Variants in L2HGDH observed in about 807,000 individuals in gnomAD.
The protein encoded by L2HGDH is L-2-hydroxyglutarate dehydrogenase.
L2HGDH carries 34 observed loss-of-function variants against 51.5 expected under a neutral mutation model. The ratio of observed to expected loss-of-function variants is 0.66; its 90% CI spans 0.50 to 0.88. L2HGDH has a LOEUF of 0.88. L2HGDH is among the 40% of genes least tolerant of loss of function. The pLI is 0.00. For missense variants in L2HGDH, 558 were observed against 571.9 expected (o/e 0.98, Z 0.25); for synonymous variants, 198 against 197.9 (o/e 1.00, Z -0.01).
intron 6 of L2HGDH, among the ~76,000 whole-genome samples, chr14:50,271,813 T>G (rs1394951646): frequency 6.6e-6 from 1 of 152,160 alleles, no homozygotes; most frequent in Non-Finnish European, 1.5e-5. Flanking sequence ...TGTATAAACC[T>G]TTAATTAGCA....
At position 50,291,752 on chromosome 14, in the gene L2HGDH, T is replaced by A. The variant is rs144861559; in HGVS notation, c.540+2363A>T. On this transcript the variant is annotated intron_variant, in intron 4 of 9. Coordinates refer to ENST00000267436, the MANE Select transcript of L2HGDH (RefSeq NM_024884.3). ...CTTGAAAAAATACATTTCTATCTTGTCTTTTTGCAGAAAGGATGAAGCAGC... is the reference window on the plus strand; with the variant it reads ...CTTGAAAAAATACATTTCTATCTTGACTTTTTGCAGAAAGGATGAAGCAGC... 2.5e-3 allele frequency among the ~76,000 whole-genome samples: 378 copies of A among 152,332 alleles called. 2 individuals are homozygous for A. The Middle Eastern group carries it at 0.061, about 25-fold the overall frequency.
intron 3 of L2HGDH, among the ~76,000 whole-genome samples, chr14:50,301,793 C>T (rs1159441611): frequency 6.6e-6 from 1 of 152,062 alleles, no homozygotes; most frequent in African/African-American, 2.4e-5. Flanking sequence ...GATCTGTGCA[C>T]TTTAAAAGGG....
chr14:50,311,970 G>A (rs1444343397), intron 1 of L2HGDH, 41 bp downstream of exon 1: 5 of 1,543,360 alleles, frequency 3.2e-6, no homozygotes, highest in Admixed American at 2.0e-5. Flanking sequence ...CTCCGCGAGG[G>A]GCAGCAGCGC....
chr14:50,250,335 T>C (rs1018627086), intron 9 of L2HGDH, among the ~76,000 whole-genome samples: 3 of 152,154 alleles, frequency 2.0e-5, no homozygotes, highest in South Asian at 2.1e-4. Flanking sequence ...TTTAAGTGAA[T>C]ATTGGTGGTG....
At chr14:50,298,262 T>C (rs942491224) in intron 3 of L2HGDH, among the ~76,000 whole-genome samples, 2 of 151,058 alleles carry the variant, frequency 1.3e-5, no homozygotes, top group Non-Finnish European at 3.0e-5. Context: ...AAAGAAAAAT[T>C]AGCCAGGCAT....
chr14:50,305,526 T>C (rs1165774585), intron 1 of L2HGDH, among the ~76,000 whole-genome samples: 1 of 152,336 alleles, frequency 6.6e-6, no homozygotes, highest in East Asian at 1.9e-4. Flanking sequence ...CTTACACTGA[T>C]TTACAGATTG....
At chr14:50,286,091 G>C (rs907712966) in intron 4 of L2HGDH, among the ~76,000 whole-genome samples, 1 of 152,152 alleles carries the variant, frequency 6.6e-6, no homozygotes, top group Non-Finnish European at 1.5e-5. Flanking sequence ...CAGCAGGTCA[G>C]AGACTGAAAT....
Position 50,247,149 on chromosome 14 carries a change from T to C in L2HGDH, c.1301A>G (p.His434Arg). ...AGCAGGAGAAGGTGCATTTCTCACA[T>C]GAAGAATGCGATTTCCAATATCCCC... is the stretch of plus-strand genomic sequence containing the variant. The part of the protein sequence containing the change: ...GVGDIGNRIL[H>R]VRNAPSPAAT... Residue 434 changes from histidine to arginine, a missense_variant, in exon 10 of 10, where the codon CAT becomes CGT. By Grantham distance (29) the His-to-Arg change is conservative. Coordinates refer to ENST00000267436, the MANE Select transcript of L2HGDH (RefSeq NM_024884.3). 2 of 1,614,190 alleles carry C rather than the reference T, an allele frequency of 1.2e-6. No homozygotes were observed. Among genetic ancestry groups the C allele is most frequent in the Non-Finnish European group, 1.7e-6 (2 of 1,180,038 alleles).
In L2HGDH at chr14:50,310,518, G is replaced by A. The variant is rs2031045138; in HGVS notation, c.140+1493C>T. On this transcript the variant is annotated intron_variant, in intron 1 of 9. Coordinates refer to ENST00000267436, the MANE Select transcript of L2HGDH (RefSeq NM_024884.3). ...GGCCAGGGGTTCGAGACCACCCTGGGCAACGTCTCTACAAAAAAATAGGAA... is the reference window on the plus strand; with the variant it reads ...GGCCAGGGGTTCGAGACCACCCTGGACAACGTCTCTACAAAAAAATAGGAA... 2.0e-5 allele frequency among the ~76,000 whole-genome samples: 3 copies of A among 150,750 alleles called. No individual in the cohort carries two copies. The South Asian group carries it at 6.7e-4, about 33-fold the overall frequency.
chr14:50,284,797 T>C (rs1441644997), intron 4 of L2HGDH, among the ~76,000 whole-genome samples: 1 of 152,234 alleles, frequency 6.6e-6, no homozygotes, highest in Non-Finnish European at 1.5e-5. Context: ...GTGAGTGCTA[T>C]TAATAAATTC....
At chr14:50,265,550 T>G in intron 8 of L2HGDH, 61 bp from the exon 9 acceptor site, 4 of 1,343,464 alleles carry the variant, frequency 3.0e-6, no homozygotes, top group Non-Finnish European at 4.1e-6. Context: ...GTAAAATACC[T>G]TTATAATTAT....
intron 6 of L2HGDH, among the ~76,000 whole-genome samples, chr14:50,274,135 C>T (rs1257797412): frequency 7.0e-6 from 1 of 142,824 alleles, no homozygotes; most frequent in Non-Finnish European, 1.6e-5. Flanking sequence ...GCAAAGAAGC[C>T]GGGCATGGCA....
chr14:50,269,504 A>G (rs550762534), intron 6 of L2HGDH, among the ~76,000 whole-genome samples, 174 bp from the exon 7 acceptor site: 4 of 152,348 alleles, frequency 2.6e-5, no homozygotes, highest in African/African-American at 9.6e-5. Context: ...TGGCAGCTAG[A>G]AACTTAGGAT....
In L2HGDH at chr14:50,244,882, G is replaced by GA. The variant is rs1207206173; in HGVS notation, c.*2175dup. 1 of 985,294 alleles carries GA rather than the reference G, an allele frequency of 1.0e-6. No individual in the cohort carries two copies. The highest frequency in any genetic ancestry group is 1.1e-4 in the East Asian group (1 of 8,828). The allele number at this position is 985,294 out of a possible 1,614,324, so 61.0% of individuals were successfully genotyped here. A position where few individuals can be genotyped will look rare whatever the true frequency, so the allele number is the denominator to read the frequency against. Reference sequence around the variant, plus strand: ...ATACACAGTAGAAGATGAATCCTGAGAGAGCAAATCAGAGAGAATGGATGA... The same window carrying GA: ...ATACACAGTAGAAGATGAATCCTGAGAAGAGCAAATCAGAGAGAATGGATGA... On this transcript the variant is annotated 3_prime_UTR_variant, in exon 10 of 10. Coordinates refer to ENST00000267436, the MANE Select transcript of L2HGDH (RefSeq NM_024884.3).
At chr14:50,311,916 G>T in intron 1 of L2HGDH, 95 bp downstream of exon 1, 1 of 1,500,758 alleles carries the variant, frequency 6.7e-7, no homozygotes, top group Non-Finnish European at 8.9e-7. Context: ...TCTCACCCCG[G>T]GACAGGGAAA....
chr14:50,253,674 C>T (rs1293697521), intron 9 of L2HGDH, among the ~76,000 whole-genome samples: 1 of 152,142 alleles, frequency 6.6e-6, no homozygotes, highest in Non-Finnish European at 1.5e-5. Flanking sequence ...AGCAATCCCA[C>T]TGCTGGATAT....
In L2HGDH at chr14:50,244,882, G is replaced by A. The variant is rs897489343; in HGVS notation, c.*2176C>T. 2.0e-6 allele frequency: 2 copies of A among 985,294 alleles called. No homozygotes were observed. Among genetic ancestry groups the A allele is most frequent in the Non-Finnish European group, 2.4e-6 (2 of 829,952 alleles). The allele number at this position is 985,294 out of a possible 1,614,324, so 61.0% of individuals were successfully genotyped here. On this transcript the variant is annotated 3_prime_UTR_variant, in exon 10 of 10. Coordinates refer to ENST00000267436, the MANE Select transcript of L2HGDH (RefSeq NM_024884.3). ...ATACACAGTAGAAGATGAATCCTGAGAGAGCAAATCAGAGAGAATGGATGA... is the reference window on the plus strand; with the variant it reads ...ATACACAGTAGAAGATGAATCCTGAAAGAGCAAATCAGAGAGAATGGATGA...
In L2HGDH at chr14:50,246,999, T is replaced by C. The variant is rs1257467834; in HGVS notation, c.*59A>G. On this transcript the variant is annotated 3_prime_UTR_variant, in exon 10 of 10. Transcript: ENST00000267436. ...CCATTTTTTAAATTAAAGAATGCAA[T>C]TAGTACATTCTTGTTGCTGACATGA... The C allele has an allele frequency of 1.3e-6, 2 of 1,568,346 alleles. No individual in the cohort carries two copies. Among genetic ancestry groups the C allele is most frequent in the Non-Finnish European group, 1.7e-6 (2 of 1,151,336 alleles).
rs758757826 is a variant in L2HGDH, at chr14:50,267,903, T to C, written c.914A>G (p.Asp305Gly). The change falls in exon 8 of 10, where the codon GAT becomes GGT. Residue 305 changes from aspartate (D) to glycine (G), a missense_variant. By Grantham distance (94) the Asp-to-Gly change is moderately conservative. Around this residue, in one of 3 missense-constraint regions of L2HGDH, gnomAD observed 321 missense variants for 311.8 expected, o/e 1.03. Coordinates refer to ENST00000267436, the MANE Select transcript of L2HGDH (RefSeq NM_024884.3). Reference protein sequence around the residue: ...LVKGNIYPVPDSRFPFLGVHF... With the variant: ...LVKGNIYPVPGSRFPFLGVHF... ...AACTCCTAGGAAAGGAAACCGGCTA[T>C]CTGGGACCTATAAATTTAACATAGT... The C allele has an allele frequency of 8.7e-6, 14 of 1,613,848 alleles. No homozygotes were observed. In the African/African-American group the frequency reaches 1.7e-4, roughly 20 times the overall value.
Sources: gnomAD v4.1 joint callset for allele counts (sites outside exome capture counted in the v4.1 genomes callset) on GRCh38, gnomAD v4.1.1 for gene constraint, gnomAD v4.1.1 regional missense constraint, MANE v1.5 for transcripts, NCBI Gene and HGNC (gene_info 2026-07-23, HGNC 2026-07-21) for gene names.